GALNT17: variants seen among roughly 807,000 people sequenced by gnomAD.
GALNT17 encodes the protein UDP-GalNAc:polypeptide N-acetylgalactosaminyltransferase-like 3.
In GALNT17, 29 loss-of-function variants were observed where a neutral mutation model predicts 63.7. That is an observed-to-expected ratio of 0.46 (90% confidence interval 0.34 to 0.62). The LOEUF (loss-of-function observed/expected upper bound fraction) is 0.62. Among genes scored for constraint, GALNT17 ranks in the 20% least tolerant of loss-of-function variants. The pLI is 0.01. For missense variants in GALNT17, 603 were observed against 799.6 expected (o/e 0.75, Z 2.97); for synonymous variants, 305 against 318.3 (o/e 0.96, Z 0.45).
chr7:71,310,297 A>G (rs1791393474), intron 1 of GALNT17, among the ~76,000 whole-genome samples: 1 of 152,220 alleles, frequency 6.6e-6, no homozygotes, highest in South Asian at 2.1e-4. Context: ...CTGAGACGCT[A>G]AAGAAATTTC....
chr7:71,235,820 C>T (rs1789877812), intron 1 of GALNT17, among the ~76,000 whole-genome samples: 1 of 152,328 alleles, frequency 6.6e-6, no homozygotes, highest in South Asian at 2.1e-4. Context: ...TGGGGACAAG[C>T]TCCACTCCTT....
intron 1 of GALNT17, among the ~76,000 whole-genome samples, chr7:71,229,410 C>G (rs975476610): frequency 7.9e-5 from 12 of 152,198 alleles, no homozygotes; most frequent in Non-Finnish European, 1.3e-4. Flanking sequence ...CGTCTGGACC[C>G]AGACTCATGT....
intron 3 of GALNT17, among the ~76,000 whole-genome samples, chr7:71,401,780 G>C (rs1264309222): frequency 6.6e-6 from 1 of 152,132 alleles, no homozygotes; most frequent in Non-Finnish European, 1.5e-5. Flanking sequence ...TCTAGTTGTA[G>C]AAAAACAAGC....
At chr7:71,525,466 A>G (rs866659696) in intron 5 of GALNT17, among the ~76,000 whole-genome samples, 2 of 152,060 alleles carry the variant, frequency 1.3e-5, no homozygotes, top group Non-Finnish European at 2.9e-5. Flanking sequence ...TCGGCCTCCC[A>G]AAGTGCTGGG....
chr7:71,391,469 C>A (rs936601333), intron 3 of GALNT17, among the ~76,000 whole-genome samples: 5 of 152,066 alleles, frequency 3.3e-5, no homozygotes, highest in Admixed American at 3.3e-4. Flanking sequence ...CTGGGTGATT[C>A]ATTGATTGAC....
chr7:71,186,825 A>C (rs1788859339), intron 1 of GALNT17, among the ~76,000 whole-genome samples: 1 of 152,210 alleles, frequency 6.6e-6, no homozygotes, highest in Admixed American at 6.5e-5. Context: ...TCTACTGGGA[A>C]AATGAATATT....
chr7:71,353,931 C>T (rs748034767), intron 2 of GALNT17, among the ~76,000 whole-genome samples: 5 of 152,046 alleles, frequency 3.3e-5, no homozygotes, highest in African/African-American at 7.3e-5. Flanking sequence ...GCTGGGCCTC[C>T]GGGGAGGCCT....
chr7:71,482,991 AGCTTTGCTCGC>A (rs1258648293), intron 5 of GALNT17, among the ~76,000 whole-genome samples: 1 of 152,140 alleles, frequency 6.6e-6, no homozygotes. Flanking sequence ...ATACAGATGA[AGCTTTGCTCGC>A]CTGCGGGCCG....
intron 1 of GALNT17, among the ~76,000 whole-genome samples, chr7:71,141,844 G>C (rs1348756843): frequency 8.8e-5 from 7 of 79,302 alleles, no homozygotes; most frequent in African/African-American, 2.2e-4. Context: ...GTCTGGCTGT[G>C]TGTGTGTGTG....
At chr7:71,301,255 C>T (rs1016668925) in intron 1 of GALNT17, among the ~76,000 whole-genome samples, 1 of 151,394 alleles carries the variant, frequency 6.6e-6, no homozygotes, top group African/African-American at 2.4e-5. Flanking sequence ...CCACTACACT[C>T]CAGCCTGGAT....
Position 71,662,330 on chromosome 7 carries a change from C to CTATCTA in GALNT17, c.1081-3076_1081-3075insATATCT, listed in dbSNP as rs1554320968. Among the ~76,000 whole-genome samples, 49 of 151,468 alleles carry CTATCTA rather than the reference C, an allele frequency of 3.2e-4. No individual in the cohort carries two copies. The East Asian group carries it at 7.0e-3, about 22-fold the overall frequency. ...CCCATCTCTCTGTTTATCTATCTAT[C>CTATCTA]TATCTGTCTGTCTGTCTGTCTGTCT... On this transcript the variant is annotated intron_variant, in intron 6 of 10. Transcript: ENST00000333538.
At chr7:71,634,929 C>T (rs2116996509) in intron 6 of GALNT17, among the ~76,000 whole-genome samples, 1 of 152,044 alleles carries the variant, frequency 6.6e-6, no homozygotes, top group East Asian at 1.9e-4. Flanking sequence ...GGAATGCCAG[C>T]CGGGCATGGT....
At chr7:71,169,438 C>CTGT (rs1788504657) in intron 1 of GALNT17, among the ~76,000 whole-genome samples, 1 of 152,128 alleles carries the variant, frequency 6.6e-6, no homozygotes, top group African/African-American at 2.4e-5. Context: ...AGTATTTTGT[C>CTGT]TGTTACTTCA....
intron 6 of GALNT17, among the ~76,000 whole-genome samples, chr7:71,633,908 A>C (rs1790492329): frequency 6.6e-6 from 1 of 152,218 alleles, no homozygotes; most frequent in Non-Finnish European, 1.5e-5. Context: ...GCCCCGGGCA[A>C]GGCAGAGACA....
intron 2 of GALNT17, among the ~76,000 whole-genome samples, chr7:71,343,688 C>T (rs187169115): frequency 6.6e-6 from 1 of 152,202 alleles, no homozygotes; most frequent in Admixed American, 6.5e-5. Flanking sequence ...TTTTCTATGA[C>T]TCTTTTATAT....
At chr7:71,302,268 G>C (rs1024486982) in intron 1 of GALNT17, among the ~76,000 whole-genome samples, 4 of 152,100 alleles carry the variant, frequency 2.6e-5, no homozygotes, top group African/African-American at 9.7e-5. Context: ...CTAGGTGATG[G>C]GTTGATAGTT....
At chr7:71,650,386 A>T (rs1790737260) in intron 6 of GALNT17, among the ~76,000 whole-genome samples, 1 of 152,176 alleles carries the variant, frequency 6.6e-6, no homozygotes, top group South Asian at 2.1e-4. Context: ...AGTAGCTGGG[A>T]CTACAGGCAT....
chr7:71,517,907 C>T (rs535911590), intron 5 of GALNT17, among the ~76,000 whole-genome samples: 2 of 152,128 alleles, frequency 1.3e-5, no homozygotes, highest in Non-Finnish European at 2.9e-5. Flanking sequence ...CACATGGGGA[C>T]CACTGCAGGT....
At chr7:71,674,881 G>A (rs113919412) in intron 8 of GALNT17, among the ~76,000 whole-genome samples, 7,865 of 152,182 alleles carry the variant, frequency 0.052, 611 homozygotes, top group African/African-American at 0.16. Context: ...TGAATCCTCG[G>A]AAGGGGTAAA....
Sources: allele counts gnomAD v4.1 joint callset (sites outside exome capture counted in the v4.1 genomes callset), GRCh38; gene constraint gnomAD v4.1.1; transcripts MANE v1.5; gene names NCBI Gene and HGNC (gene_info 2026-07-23, HGNC 2026-07-21).